CNTN5: variants seen among roughly 807,000 people sequenced by gnomAD.
CNTN5 encodes contactin 5, also known as contactin-5.
In CNTN5, 77 loss-of-function variants were observed where a neutral mutation model predicts 129.1. That is an observed-to-expected ratio of 0.60 (90% CI 0.50 to 0.72). The LOEUF is 0.72. CNTN5 is among the 30% of genes least tolerant of loss of function. CNTN5 has a pLI of 0.00. For missense variants in CNTN5, 1,478 were observed against 1,328.8 expected, an observed-to-expected ratio of 1.11 and a Z score of -1.75; for synonymous variants, 509 against 465.6, an observed-to-expected ratio of 1.09 and a Z score of -1.20.
At chr11:99,246,820 T>C (rs569527582) in intron 1 of CNTN5, among the ~76,000 whole-genome samples, 2 of 152,212 alleles carry the variant, frequency 1.3e-5, no homozygotes, top group Non-Finnish European at 2.9e-5. Flanking sequence ...AAAGCAAGAA[T>C]CATTACTAAT....
intron 3 of CNTN5, among the ~76,000 whole-genome samples, chr11:99,573,715 T>C (rs2135584922): frequency 6.6e-6 from 1 of 152,034 alleles, no homozygotes; most frequent in East Asian, 2.0e-4. Flanking sequence ...CTGCAACCTC[T>C]GCCTCCTGGG....
intron 13 of CNTN5, among the ~76,000 whole-genome samples, chr11:100,105,000 T>A (rs906520962): frequency 2.6e-5 from 4 of 152,212 alleles, no homozygotes; most frequent in African/African-American, 9.6e-5. Flanking sequence ...AGATCTATAC[T>A]GCAATAACTC....
rs1403963768 is a variant in CNTN5, at chr11:99,034,981, G to A, written c.-210+13711G>A. Among the ~76,000 whole-genome samples, 55 of 150,750 alleles carry A rather than the reference G, an allele frequency of 3.6e-4. No individual in the cohort carries two copies. In the East Asian group the frequency reaches 4.5e-3, roughly 12 times the overall value. Reference sequence around the variant, plus strand: ...TCTGGTATGTTGTGTCTTTGTTCTCGTTGGTTTCAAAGAACATCTTTATTT... The same window carrying A: ...TCTGGTATGTTGTGTCTTTGTTCTCATTGGTTTCAAAGAACATCTTTATTT... On this transcript the variant is annotated intron_variant, in intron 1 of 24. Transcript: ENST00000524871.
intron 3 of CNTN5, among the ~76,000 whole-genome samples, chr11:99,576,250 A>G (rs1305862712): frequency 6.6e-6 from 1 of 152,206 alleles, no homozygotes; most frequent in Non-Finnish European, 1.5e-5. Context: ...AATGAGTCTT[A>G]ATTGCCAAAA....
At chr11:100,242,976 G>A (rs534462943) in intron 16 of CNTN5, among the ~76,000 whole-genome samples, 6 of 152,296 alleles carry the variant, frequency 3.9e-5, no homozygotes, top group South Asian at 2.1e-4. Flanking sequence ...CAGATACCGC[G>A]AAATAAAAGG....
At chr11:99,247,172 A>C (rs1001011534) in intron 1 of CNTN5, among the ~76,000 whole-genome samples, 1 of 152,150 alleles carries the variant, frequency 6.6e-6, no homozygotes, top group East Asian at 1.9e-4. Context: ...AGCATTGACT[A>C]TTACAATGAA....
intron 9 of CNTN5, among the ~76,000 whole-genome samples, chr11:100,037,527 A>C (rs528863278): frequency 6.6e-6 from 1 of 152,220 alleles, no homozygotes; most frequent in African/African-American, 2.4e-5. Context: ...TGATTGGAAT[A>C]GTTTCAGAAG....
At chr11:99,894,512 C>A (rs1371137360) in intron 6 of CNTN5, among the ~76,000 whole-genome samples, 4 of 50,170 alleles carry the variant, frequency 8.0e-5, no homozygotes, top group Non-Finnish European at 1.5e-4. Context: ...CAGGTACCAG[C>A]AGCAAAAAAA....
intron 1 of CNTN5, chr11:99,120,349 A>T (rs1490366358): frequency 6.6e-6 from 1 of 152,130 alleles, no homozygotes; most frequent in South Asian, 2.1e-4. Flanking sequence ...GCCATCCTTG[A>T]TAGAGGAGGA....
intron 2 of CNTN5, among the ~76,000 whole-genome samples, chr11:99,398,625 T>A (rs537377512): frequency 1.3e-5 from 2 of 152,118 alleles, no homozygotes; most frequent in Non-Finnish European, 2.9e-5. Context: ...CTTTTCAGAA[T>A]GGCTGTATTT....
chr11:99,687,038 A>G (rs975904305), intron 3 of CNTN5, among the ~76,000 whole-genome samples: 3 of 152,152 alleles, frequency 2.0e-5, no homozygotes, highest in Admixed American at 1.3e-4. Context: ...ATGTAGATAT[A>G]CTGACACTGT....
chr11:99,770,920 A>G (rs939585965), intron 3 of CNTN5, among the ~76,000 whole-genome samples: 1 of 152,154 alleles, frequency 6.6e-6, no homozygotes, highest in Non-Finnish European at 1.5e-5. Context: ...TCACAAAGCT[A>G]TAATAATCAA....
At chr11:100,167,390 G>A (rs1277321414) in intron 13 of CNTN5, among the ~76,000 whole-genome samples, 1 of 151,734 alleles carries the variant, frequency 6.6e-6, no homozygotes, top group Non-Finnish European at 1.5e-5. Flanking sequence ...AATTTGAGAT[G>A]TTTTCTTAAA....
intron 3 of CNTN5, among the ~76,000 whole-genome samples, chr11:99,749,733 C>T (rs995294639): frequency 7.9e-5 from 12 of 152,094 alleles, no homozygotes; most frequent in African/African-American, 2.9e-4. Flanking sequence ...CTTATATTTC[C>T]TACTATATTT....
At chr11:100,063,725 A>T (rs1943577985) in intron 10 of CNTN5, among the ~76,000 whole-genome samples, 1 of 151,512 alleles carries the variant, frequency 6.6e-6, no homozygotes, top group South Asian at 2.1e-4. Flanking sequence ...AAAAAAAAAA[A>T]AAATACAAAA....
At chr11:99,846,802 C>T (rs1369545627) in intron 6 of CNTN5, among the ~76,000 whole-genome samples, 1 of 151,822 alleles carries the variant, frequency 6.6e-6, no homozygotes, top group Non-Finnish European at 1.5e-5. Context: ...TTGAAGAGTA[C>T]CGAGATAGGT....
chr11:99,621,658 T>C (rs750263626), intron 3 of CNTN5, among the ~76,000 whole-genome samples: 4 of 152,218 alleles, frequency 2.6e-5, no homozygotes, highest in South Asian at 4.1e-4. Context: ...ATATTTTTCA[T>C]TGGTAATAGA....
At chr11:100,005,319 G>A (rs924428946) in intron 9 of CNTN5, among the ~76,000 whole-genome samples, 3 of 151,830 alleles carry the variant, frequency 2.0e-5, no homozygotes, top group African/African-American at 7.3e-5. Flanking sequence ...CTGCTCTCCC[G>A]TATTCTCTTA....
chr11:100,305,103 G>A (rs1951317173), intron 20 of CNTN5, among the ~76,000 whole-genome samples: 1 of 151,448 alleles, frequency 6.6e-6, no homozygotes, highest in Non-Finnish European at 1.5e-5. Flanking sequence ...AGGAGATGAA[G>A]AATGAGCCAG....
Sources: allele counts gnomAD v4.1 joint callset (sites outside exome capture counted in the v4.1 genomes callset), GRCh38; gene constraint gnomAD v4.1.1; transcripts MANE v1.5; gene names NCBI Gene and HGNC (gene_info 2026-07-23, HGNC 2026-07-21).